The following RGS8 variants were observed in gnomAD, a reference collection of about 807,000 sequenced individuals.
The protein encoded by RGS8 is regulator of G protein signaling 8, also known as regulator of G-protein signaling 8.
Under a neutral mutation model 21.7 loss-of-function variants are expected in RGS8, and 8 were observed. The ratio of observed to expected loss-of-function variants is 0.37; its 90% confidence interval spans 0.22 to 0.66. The LOEUF (loss-of-function observed/expected upper bound fraction) is 0.66, where lower values mean the gene tolerates loss of function less well. RGS8 is among the 30% of genes least tolerant of loss of function. The probability of loss-of-function intolerance (pLI) is 0.59; values close to 1 mark genes in which losing one functional copy is unlikely to be tolerated. For missense variants in RGS8, 157 were observed against 217.9 expected (o/e 0.72, Z 1.76); for synonymous variants, 80 against 83.6 (o/e 0.96, Z 0.24).
chr1:182,741,725 C>A, the RGS8 span, among the ~76,000 whole-genome samples: 3 of 105,420 alleles, frequency 2.8e-5, no homozygotes, highest in Non-Finnish European at 7.0e-5. Flanking sequence ...CCTCACCTCC[C>A]GGACAGGGCG....
the RGS8 span, among the ~76,000 whole-genome samples, chr1:182,730,023 A>G: frequency 3.6e-3 from 552 of 152,350 alleles, 8 homozygotes; most frequent in African/African-American, 0.013. Flanking sequence ...CTTCAGGCAT[A>G]TAAGGGTCAG....
At chr1:182,651,719 C>T (rs12403691) in intron 5 of RGS8, among the ~76,000 whole-genome samples, 12,960 of 152,232 alleles carry the variant, frequency 0.085, 1,116 homozygotes, top group African/African-American at 0.21. Context: ...AGAGGGAACT[C>T]GGATTAGACA....
chr1:182,740,179 T>C, the RGS8 span, among the ~76,000 whole-genome samples: 1 of 152,200 alleles, frequency 6.6e-6, no homozygotes, highest in Admixed American at 6.5e-5. Context: ...AGGATGTACT[T>C]GACCACCCAA....
upstream of RGS8, among the ~76,000 whole-genome samples, chr1:182,677,215 G>C (rs1026918768): frequency 6.6e-6 from 1 of 152,214 alleles, no homozygotes; most frequent in Non-Finnish European, 1.5e-5. Flanking sequence ...TACTCGCCCT[G>C]TCTGAGTATC....
chr1:182,716,471 AT>A, the RGS8 span, among the ~76,000 whole-genome samples: 1 of 147,394 alleles, frequency 6.8e-6, no homozygotes, highest in Non-Finnish European at 1.5e-5. Flanking sequence ...GCTATTTTTT[AT>A]TGTTTTTTTT....
chr1:182,746,169 A>C, the RGS8 span, among the ~76,000 whole-genome samples: 2 of 152,052 alleles, frequency 1.3e-5, no homozygotes, highest in African/African-American at 2.4e-5. Context: ...CCTCTCCAAA[A>C]TACTGCCACC....
the RGS8 span, among the ~76,000 whole-genome samples, chr1:182,708,575 T>C: frequency 6.6e-6 from 1 of 152,154 alleles, no homozygotes; most frequent in African/African-American, 2.4e-5. Context: ...GCGGAAGAAA[T>C]AAGGGCAGGA....
At chr1:182,712,863 C>G in the RGS8 span, 3 of 152,172 alleles carry the variant, frequency 2.0e-5, no homozygotes, top group Admixed American at 6.5e-5. Context: ...TCTTAAGATC[C>G]TCAAAGGACT....
the RGS8 span, among the ~76,000 whole-genome samples, chr1:182,741,314 A>AG: frequency 1.0e-5 from 1 of 97,500 alleles, no homozygotes; most frequent in South Asian, 3.6e-4. Flanking sequence ...TGGGGGGCTG[A>AG]CCCCCCACCT....
the RGS8 span, among the ~76,000 whole-genome samples, chr1:182,720,336 T>C: frequency 6.6e-6 from 1 of 152,210 alleles, no homozygotes; most frequent in African/African-American, 2.4e-5. Context: ...CATGGTGTCA[T>C]TTGAAAGTTA....
the RGS8 span, among the ~76,000 whole-genome samples, chr1:182,743,463 T>G: frequency 3.3e-5 from 5 of 152,206 alleles, no homozygotes; most frequent in Admixed American, 3.3e-4. Context: ...TGAAAAGGAC[T>G]TGGGGACTAT....
At chr1:182,670,001 G>T (rs1664077372) in intron 2 of RGS8, among the ~76,000 whole-genome samples, 1 of 152,242 alleles carries the variant, frequency 6.6e-6, no homozygotes. Context: ...CAAATATAAA[G>T]TGGAACGTGT....
the RGS8 span, among the ~76,000 whole-genome samples, chr1:182,720,959 A>T: frequency 1.8e-5 from 1 of 56,234 alleles, no homozygotes; most frequent in Non-Finnish European, 3.7e-5. Flanking sequence ...ATATACATAC[A>T]TATGTGTGTA....
At chr1:182,662,859 C>T (rs932959254) in intron 5 of RGS8, among the ~76,000 whole-genome samples, 1 of 152,158 alleles carries the variant, frequency 6.6e-6, no homozygotes, top group Admixed American at 6.5e-5. Flanking sequence ...TTTTGCACAC[C>T]ATGAGCACTT....
the RGS8 span, among the ~76,000 whole-genome samples, chr1:182,742,619 A>G: frequency 6.6e-6 from 1 of 152,252 alleles, no homozygotes; most frequent in Non-Finnish European, 1.5e-5. Flanking sequence ...CGCGCCTGCA[A>G]TCGCAGGCAC....
At chr1:182,721,313 AG>A in the RGS8 span, among the ~76,000 whole-genome samples, 1 of 152,144 alleles carries the variant, frequency 6.6e-6, no homozygotes, top group African/African-American at 2.4e-5. Flanking sequence ...AAGCAAAAAC[AG>A]GAGAGGGGAA....
the RGS8 span, chr1:182,734,306 T>G: frequency 6.6e-6 from 1 of 152,162 alleles, no homozygotes; most frequent in Non-Finnish European, 1.5e-5. Flanking sequence ...GCCATGCGGG[T>G]TTTAATTGAC....
chr1:182,729,567 T>C, the RGS8 span, among the ~76,000 whole-genome samples: 1 of 152,158 alleles, frequency 6.6e-6, no homozygotes, highest in Non-Finnish European at 1.5e-5. Context: ...AAACAAAGCA[T>C]TATTAAAAAA....
At chr1:182,644,559 G>C (rs911031875), downstream of RGS8, 10 of 152,070 alleles carry the variant, frequency 6.6e-5, no homozygotes, top group African/African-American at 2.4e-4. Context: ...AAGAACTCTA[G>C]GCCTCTCTAT....
Sources: gnomAD v4.1 joint callset for allele counts (sites outside exome capture counted in the v4.1 genomes callset) on GRCh38, gnomAD v4.1.1 for gene constraint, MANE v1.5 for transcripts, NCBI Gene and HGNC (gene_info 2026-07-23, HGNC 2026-07-21) for gene names.